CXCL5: variants seen among roughly 807,000 people sequenced by gnomAD.
CXCL5 encodes C-X-C motif chemokine ligand 5, also known as C-X-C motif chemokine 5.
Under a neutral mutation model 12.1 loss-of-function variants are expected in CXCL5, and 13 were observed. The ratio of observed to expected loss-of-function variants is 1.08; its 90% CI spans 0.70 to 1.71. CXCL5 has a LOEUF of 1.71. Ranked by LOEUF, CXCL5 falls within the 40% of genes most tolerant of loss-of-function variation. The probability of loss-of-function intolerance (pLI) is 0.00; values close to 1 mark genes in which losing one functional copy is unlikely to be tolerated. For missense variants in CXCL5, 159 were observed against 142.4 expected (o/e 1.12, Z -0.59); for synonymous variants, 67 against 59.0 (o/e 1.14, Z -0.62).
At position 73,997,511 on chromosome 4, in the gene CXCL5, C is replaced by G. The variant is rs200225019; in HGVS notation, c.*126G>C. The G allele has an allele frequency of 1.3e-6, 1 of 762,706 alleles. No homozygotes were observed. The highest frequency in any genetic ancestry group is 2.2e-6 in the Non-Finnish European group (1 of 455,560). 47.2% of individuals were successfully genotyped at this position (762,706 alleles called of 1,614,324 possible). A position where few individuals can be genotyped will look rare whatever the true frequency, so the allele number is the denominator to read the frequency against. ...AGGAATCCAGGAAGAAAGCTAACTA[C>G]TGGAAAAACAAATAAACAAACAACA... On this transcript the variant is annotated 3_prime_UTR_variant, in exon 4 of 4. Coordinates refer to ENST00000296027, the MANE Select transcript of CXCL5 (RefSeq NM_002994.5).
chr4:73,998,216 CCTTGGAGCA>C lies in CXCL5; in HGVS notation c.223_231del (p.Cys75_Lys77del), dbSNP rs1331904228. 2 of 1,614,110 alleles carry C rather than the reference CCTTGGAGCA, an allele frequency of 1.2e-6. No homozygotes were observed. The highest frequency in any genetic ancestry group is 8.5e-7 in the Non-Finnish European group (1 of 1,180,050). ...CAGCACAGAACTTACACCACTTCCA[CCTTGGAGCA>C]CTGTGGGCCTATGGCGAACACTTGC... On this transcript the variant is annotated inframe_deletion, in exon 2 of 4. Coordinates refer to ENST00000296027, the MANE Select transcript of CXCL5 (RefSeq NM_002994.5).
chr4:73,998,455 C>G lies in CXCL5; in HGVS notation c.109+18G>C. 4 of 1,605,552 alleles carry G rather than the reference C, an allele frequency of 2.5e-6. No individual in the cohort carries two copies. Among genetic ancestry groups the G allele is most frequent in the Non-Finnish European group, 3.4e-6 (4 of 1,175,706 alleles). ...TGTGCCCGAGTGCGAGTGCGTCCCG[C>G]GCGCCATGCGCTCTCACCGCTGGCG... On this transcript the variant is annotated intron_variant, in intron 1 of 3. Coordinates refer to ENST00000296027, the MANE Select transcript of CXCL5 (RefSeq NM_002994.5).
In CXCL5 at chr4:73,997,888, C is replaced by G. The variant is rs1017816088; in HGVS notation, c.326+124G>C. 3.7e-5 allele frequency: 38 copies of G among 1,023,068 alleles called. No individual in the cohort carries two copies. In the African/African-American group the frequency reaches 4.4e-4, roughly 12 times the overall value. The allele number at this position is 1,023,068 out of a possible 1,614,324, so 63.4% of individuals were successfully genotyped here. A position where few individuals can be genotyped will look rare whatever the true frequency, so the allele number is the denominator to read the frequency against. ...ACAATCCAGAAAAACTTTCCCAATT[C>G]AACAACCTTTTAATTCTAAACATGA... is the stretch of plus-strand genomic sequence containing the variant. On this transcript the variant is annotated intron_variant, in intron 3 of 3. Coordinates refer to ENST00000296027, the MANE Select transcript of CXCL5 (RefSeq NM_002994.5).
At position 73,997,359 on chromosome 4, in the gene CXCL5, T is replaced by G; in HGVS notation, c.*278A>C. 1 of 368,534 alleles carries G rather than the reference T, an allele frequency of 2.7e-6. No individual in the cohort carries two copies. Among genetic ancestry groups the G allele is most frequent in the Non-Finnish European group, 4.8e-6 (1 of 209,044 alleles). The allele number at this position is 368,534 out of a possible 1,614,324, so 22.8% of individuals were successfully genotyped here. A position where few individuals can be genotyped will look rare whatever the true frequency, so the allele number is the denominator to read the frequency against. On this transcript the variant is annotated 3_prime_UTR_variant, in exon 4 of 4. Coordinates refer to ENST00000296027, the MANE Select transcript of CXCL5 (RefSeq NM_002994.5). ...ATTCCTGGCTCACACTATAGTCAAT[T>G]GCCAAAACTTCAATAGCATAGCAGA...
chr4:73,997,592 T>C lies in CXCL5; in HGVS notation c.*45A>G. On this transcript the variant is annotated 3_prime_UTR_variant, in exon 4 of 4. Transcript: ENST00000296027. ...TTCAGAGACCTCCAGAAAACTTCTC[T>C]GCTGAAGACTGGGAAACTTTTCCAT... is the stretch of plus-strand genomic sequence containing the variant. 6.5e-7 allele frequency: 1 copy of C among 1,545,504 alleles called. No homozygotes were observed. The highest frequency in any genetic ancestry group is 2.3e-5 in the East Asian group (1 of 44,110).
At position 73,997,541 on chromosome 4, in the gene CXCL5, A is replaced by C; in HGVS notation, c.*96T>G. 1.1e-6 allele frequency: 1 copy of C among 929,844 alleles called. No homozygotes were observed. The highest frequency in any genetic ancestry group is 1.7e-6 in the Non-Finnish European group (1 of 591,812). The allele number at this position is 929,844 out of a possible 1,614,324, so 57.6% of individuals were successfully genotyped here. On this transcript the variant is annotated 3_prime_UTR_variant, in exon 4 of 4. Coordinates refer to ENST00000296027, the MANE Select transcript of CXCL5 (RefSeq NM_002994.5). Reference sequence around the variant, plus strand: ...AAAACAAATAAACAAACAACAACAAAATCTTTCCTTCTTGTCTTCCCTGGG... The same window carrying C: ...AAAACAAATAAACAAACAACAACAACATCTTTCCTTCTTGTCTTCCCTGGG...
Position 73,997,524 on chromosome 4 carries a change from T to C in CXCL5, c.*113A>G. On this transcript the variant is annotated 3_prime_UTR_variant, in exon 4 of 4. Coordinates refer to ENST00000296027, the MANE Select transcript of CXCL5 (RefSeq NM_002994.5). Reference sequence around the variant, plus strand: ...GAAAGCTAACTACTGGAAAAACAAATAAACAAACAACAACAAAATCTTTCC... The same window carrying C: ...GAAAGCTAACTACTGGAAAAACAAACAAACAAACAACAACAAAATCTTTCC... 1.2e-6 allele frequency: 1 copy of C among 840,018 alleles called. No individual in the cohort carries two copies. Among genetic ancestry groups the C allele is most frequent in the Non-Finnish European group, 1.9e-6 (1 of 519,390 alleles). 52.0% of individuals were successfully genotyped at this position (840,018 alleles called of 1,614,324 possible).
rs1719208078 is a variant in CXCL5, at chr4:73,997,000, C to T, written c.*637G>A. On this transcript the variant is annotated 3_prime_UTR_variant, in exon 4 of 4. Transcript: ENST00000296027. Reference sequence around the variant, plus strand: ...ATTATAGGAAGATAAGATATTAGCCCTCATAGAACTTAAACTTTTAGAAAT... The same window carrying T: ...ATTATAGGAAGATAAGATATTAGCCTTCATAGAACTTAAACTTTTAGAAAT... 6.6e-6 allele frequency: 1 copy of T among 152,074 alleles called. No individual in the cohort carries two copies. Among genetic ancestry groups the T allele is most frequent in the Non-Finnish European group, 1.5e-5 (1 of 68,004 alleles). The allele number at this position is 152,074 out of a possible 1,614,324, so 9.4% of individuals were successfully genotyped here.
intron 2 of CXCL5, 43 bp from the exon 3 acceptor site, chr4:73,998,138 T>C (rs3864158): frequency 1.2e-6 from 2 of 1,613,916 alleles, no homozygotes; most frequent in Non-Finnish European, 1.7e-6. Context: ...GATACCAAGG[T>C]TGAAGACCCA....
chr4:73,998,618 C>T lies in CXCL5; in HGVS notation c.-37G>A. 1 of 1,538,030 alleles carries T rather than the reference C, an allele frequency of 6.5e-7. No individual in the cohort carries two copies. The highest frequency in any genetic ancestry group is 8.8e-7 in the Non-Finnish European group (1 of 1,133,480). On this transcript the variant is annotated 5_prime_UTR_variant, in exon 1 of 4. Transcript: ENST00000296027. ...GAGCGCTGCGAGCGGTCGCGGGTTC[C>T]TGAACTGGGTGGAGGAGCGGAGATT...
Position 73,998,247 on chromosome 4 carries a change from T to C in CXCL5, c.201A>G (p.Gln67=), listed in dbSNP as rs1719241896. 1.9e-6 allele frequency: 3 copies of C among 1,614,226 alleles called. No homozygotes were observed. The highest frequency in any genetic ancestry group is 1.7e-5 in the Admixed American group (1 of 60,032). The change falls in exon 2 of 4, where the codon CAA becomes CAG. Residue 67 remains glutamine, a synonymous_variant. Coordinates refer to ENST00000296027, the MANE Select transcript of CXCL5 (RefSeq NM_002994.5). ...AGCACTGTGGGCCTATGGCGAACACTTGCAGATTACTGATCATTTTGGGAT... is the reference window on the plus strand; with the variant it reads ...AGCACTGTGGGCCTATGGCGAACACCTGCAGATTACTGATCATTTTGGGAT... ...GVHPKMISNL[Q]VFAIGPQCSK...
chr4:73,997,018 T>A lies in CXCL5; in HGVS notation c.*619A>T, dbSNP rs1468036536. On this transcript the variant is annotated 3_prime_UTR_variant, in exon 4 of 4. Coordinates refer to ENST00000296027, the MANE Select transcript of CXCL5 (RefSeq NM_002994.5). ...ATTAGCCCTCATAGAACTTAAACTT[T>A]TAGAAATTCTGAATAAGGAAATATA... is the stretch of plus-strand genomic sequence containing the variant. 1 of 152,222 alleles carries A rather than the reference T, an allele frequency of 6.6e-6. No individual in the cohort carries two copies. The highest frequency in any genetic ancestry group is 1.5e-5 in the Non-Finnish European group (1 of 68,034). 9.4% of individuals were successfully genotyped at this position (152,222 alleles called of 1,614,324 possible).
rs1191481884 is a variant in CXCL5 at position 73,995,832 on chromosome 4, T to G, written c.*1805A>C. On this transcript the variant is annotated 3_prime_UTR_variant, in exon 4 of 4. Coordinates refer to ENST00000296027, the MANE Select transcript of CXCL5 (RefSeq NM_002994.5). Reference sequence around the variant, plus strand: ...AAAAAGCTCAGCAATGCTAAATATATAATATATATTATATATAAATATATA... The same window carrying G: ...AAAAAGCTCAGCAATGCTAAATATAGAATATATATTATATATAAATATATA... 6.7e-6 allele frequency: 1 copy of G among 148,164 alleles called. No homozygotes were observed. The highest frequency in any genetic ancestry group is 2.4e-5 in the African/African-American group (1 of 40,860). The allele number at this position is 148,164 out of a possible 1,614,324, so 9.2% of individuals were successfully genotyped here.
intron 3 of CXCL5, 64 bp from the exon 4 acceptor site, chr4:73,997,719 C>A (rs1719227496): frequency 3.9e-6 from 5 of 1,293,394 alleles, no homozygotes; most frequent in Non-Finnish European, 5.5e-6. Context: ...CCACCCTTGT[C>A]AAAACTCAGC....
At chr4:73,997,682 T>C in intron 3 of CXCL5, 27 bp from the exon 4 acceptor site, 1 of 1,580,678 alleles carries the variant, frequency 6.3e-7, no homozygotes, top group African/African-American at 1.3e-5. Context: ...TATATTAGTT[T>C]AACCATTTTT....
At position 73,998,464 on chromosome 4, in the gene CXCL5, C is replaced by G. The variant is rs200183330; in HGVS notation, c.109+9G>C. The G allele has an allele frequency of 2.1e-5, 33 of 1,603,740 alleles. No homozygotes were observed. The highest frequency in any genetic ancestry group is 2.8e-5 in the Non-Finnish European group (33 of 1,174,876). ...GTGCGAGTGCGTCCCGCGCGCCATG[C>G]GCTCTCACCGCTGGCGATGGGCCCT... On this transcript the variant is annotated intron_variant, in intron 1 of 3. Transcript: ENST00000296027.
intron 2 of CXCL5, 54 bp from the exon 3 acceptor site, chr4:73,998,149 G>C: frequency 2.5e-6 from 4 of 1,613,932 alleles, no homozygotes; most frequent in South Asian, 1.1e-5. Flanking sequence ...TGAAGACCCA[G>C]GCTGCGGGAT....
chr4:73,996,279 G>C lies in CXCL5; in HGVS notation c.*1358C>G, dbSNP rs1289468297. 1 of 152,448 alleles carries C rather than the reference G, an allele frequency of 6.6e-6. No individual in the cohort carries two copies. The highest frequency in any genetic ancestry group is 2.4e-5 in the African/African-American group (1 of 41,356). The allele number at this position is 152,448 out of a possible 1,614,324, so 9.4% of individuals were successfully genotyped here. ...ACCCCAGTGTGTCCCACCAGGACTA[G>C]AACAGGCTTTACATTCAGACAGAAA... On this transcript the variant is annotated 3_prime_UTR_variant, in exon 4 of 4. Transcript: ENST00000296027.
rs1190301567 is a variant in CXCL5, at chr4:73,995,849, AAATATAT to A, written c.*1781_*1787del. ...TAAATATATAATATATATTATATAT[AAATATAT>A]AATATATAAATACATACGTTTTTAC... On this transcript the variant is annotated 3_prime_UTR_variant, in exon 4 of 4. Coordinates refer to ENST00000296027, the MANE Select transcript of CXCL5 (RefSeq NM_002994.5). The A allele has an allele frequency of 6.7e-6, 1 of 148,288 alleles. No individual in the cohort carries two copies. The highest frequency in any genetic ancestry group is 2.4e-5 in the African/African-American group (1 of 40,878). The allele number at this position is 148,288 out of a possible 1,614,324, so 9.2% of individuals were successfully genotyped here.
Sources: gnomAD v4.1 joint callset for allele counts on GRCh38, gnomAD v4.1.1 for gene constraint, MANE v1.5 for transcripts, NCBI Gene and HGNC (gene_info 2026-07-23, HGNC 2026-07-21) for gene names.